CNTN6: variants seen among roughly 807,000 people sequenced by gnomAD.
CNTN6 encodes the protein contactin-6.
A neutral mutation model predicts 122.8 loss-of-function variants in CNTN6; 137 were observed. That is an observed-to-expected ratio of 1.12 (90% confidence interval 0.97 to 1.29). CNTN6 has a LOEUF of 1.29. Ranked by LOEUF, CNTN6 falls within the 50% of genes most tolerant of loss-of-function variation. CNTN6 has a pLI of 0.00. For missense variants in CNTN6, 1,634 were observed against 1,223.4 expected (o/e 1.34, Z -5.01); for synonymous variants, 570 against 426.0 (o/e 1.34, Z -4.16).
In CNTN6 at chr3:1,237,170, T is replaced by C. The variant is rs571862490; in HGVS notation, c.358+9177T>C. ...ATACAGAAAATTAAAGGAAAATTCT[T>C]CAGTGAAATAGATAGTATAAATAAA... On this transcript the variant is annotated intron_variant, in intron 4 of 22. Transcript: ENST00000446702. Among the ~76,000 whole-genome samples, 9 of 152,062 alleles carry C rather than the reference T, an allele frequency of 5.9e-5. No individual in the cohort carries two copies. The South Asian group carries it at 1.9e-3, about 32-fold the overall frequency.
chr3:1,270,361 C>T (rs1332827050), intron 4 of CNTN6, among the ~76,000 whole-genome samples: 2 of 152,160 alleles, frequency 1.3e-5, no homozygotes, highest in Non-Finnish European at 2.9e-5. Context: ...AGAATAACCT[C>T]ACTATAATGT....
intron 11 of CNTN6, among the ~76,000 whole-genome samples, chr3:1,351,913 GA>G (rs1705704267): frequency 6.6e-6 from 1 of 151,792 alleles, no homozygotes; most frequent in Admixed American, 6.6e-5. Context: ...AAAAGACACA[GA>G]CTAATTGTGA....
chr3:1,215,521 T>G (rs907587352), intron 2 of CNTN6, among the ~76,000 whole-genome samples: 1 of 152,228 alleles, frequency 6.6e-6, no homozygotes, highest in Non-Finnish European at 1.5e-5. Flanking sequence ...CAAATTTATC[T>G]GGTTCTATTG....
intron 1 of CNTN6, among the ~76,000 whole-genome samples, chr3:1,139,766 A>G (rs1233095417): frequency 6.6e-6 from 1 of 152,164 alleles, no homozygotes; most frequent in Non-Finnish European, 1.5e-5. Flanking sequence ...ACTTACAGAA[A>G]TAGAAAGCGA....
chr3:1,146,976 A>G (rs1359098113), intron 1 of CNTN6, among the ~76,000 whole-genome samples: 13 of 152,132 alleles, frequency 8.5e-5, no homozygotes, highest in Non-Finnish European at 1.5e-5. Flanking sequence ...CATTTAACTT[A>G]AATTTTATTT....
chr3:1,149,849 A>G (rs1204828124), intron 2 of CNTN6, among the ~76,000 whole-genome samples: 3 of 152,200 alleles, frequency 2.0e-5, no homozygotes, highest in African/African-American at 7.2e-5. Flanking sequence ...GAATTAGCAT[A>G]GGATCTCTAA....
intron 1 of CNTN6, among the ~76,000 whole-genome samples, chr3:1,143,171 A>G (rs1332971756): frequency 2.0e-5 from 3 of 151,884 alleles, no homozygotes; most frequent in Admixed American, 2.0e-4. Flanking sequence ...TTTTGCTACC[A>G]AGCTTTCATG....
At chr3:1,371,633 A>T (rs1437329914) in intron 12 of CNTN6, among the ~76,000 whole-genome samples, 1 of 152,148 alleles carries the variant, frequency 6.6e-6, no homozygotes, top group African/African-American at 2.4e-5. Flanking sequence ...ATTTTGGTCA[A>T]TGAAATGCTA....
At chr3:1,247,069 A>T (rs1291133138) in intron 4 of CNTN6, among the ~76,000 whole-genome samples, 2 of 152,176 alleles carry the variant, frequency 1.3e-5, no homozygotes, top group African/African-American at 2.4e-5. Context: ...TTTTGTAAAA[A>T]GTTTAAGAAC....
chr3:1,400,617 T>A (rs1695564000), intron 20 of CNTN6, among the ~76,000 whole-genome samples: 1 of 152,158 alleles, frequency 6.6e-6, no homozygotes. Flanking sequence ...TTAAACGGCA[T>A]GCATCTTTCA....
At chr3:1,356,856 T>A (rs969611887) in intron 12 of CNTN6, among the ~76,000 whole-genome samples, 11 of 151,810 alleles carry the variant, frequency 7.2e-5, no homozygotes, top group African/African-American at 2.7e-4. Context: ...GATGAAAAAA[T>A]TTCCTGTTCC....
intron 2 of CNTN6, chr3:1,173,065 C>A: frequency 2.7e-6 from 1 of 375,396 alleles, no homozygotes; most frequent in Non-Finnish European, 5.3e-6. Context: ...TGACTCAGCG[C>A]CATTGCCCAT....
chr3:1,326,444 T>A (rs1701554349), intron 9 of CNTN6, among the ~76,000 whole-genome samples: 2 of 151,818 alleles, frequency 1.3e-5, no homozygotes, highest in South Asian at 4.1e-4. Flanking sequence ...AATTAGCATT[T>A]TAAACTTTTA....
chr3:1,386,498 C>T (rs2126198084), intron 20 of CNTN6, among the ~76,000 whole-genome samples: 1 of 152,248 alleles, frequency 6.6e-6, no homozygotes, highest in East Asian at 1.9e-4. Context: ...GTGATTGTTG[C>T]TGCCTTTATT....
chr3:1,111,429 G>T (rs754567864), intron 1 of CNTN6, among the ~76,000 whole-genome samples: 1 of 152,146 alleles, frequency 6.6e-6, no homozygotes, highest in African/African-American at 2.4e-5. Flanking sequence ...AAAGTAAAAT[G>T]AGATTCAGAG....
chr3:1,346,953 A>G (rs879878653), intron 11 of CNTN6, among the ~76,000 whole-genome samples: 2 of 152,186 alleles, frequency 1.3e-5, no homozygotes, highest in Admixed American at 1.3e-4. Context: ...TTTTCTGTGT[A>G]GGACTACCTA....
intron 1 of CNTN6, among the ~76,000 whole-genome samples, chr3:1,116,684 C>T (rs1483666705): frequency 6.8e-6 from 1 of 147,674 alleles, no homozygotes; most frequent in Non-Finnish European, 1.5e-5. Context: ...ATGGAGAATG[C>T]CAAGTCATCA....
At position 1,365,157 on chromosome 3, in the gene CNTN6, C is replaced by A. The variant is rs559054332; in HGVS notation, c.1493-7142C>A. Among the ~76,000 whole-genome samples the A allele has an allele frequency of 6.0e-4, 91 of 152,110 alleles. 2 individuals are homozygous for A. Among genetic ancestry groups the A allele is most frequent in the Admixed American group, 5.9e-3 (90 of 15,270 alleles). ...GTATAAGAAACTCTCATGTATACAT[C>A]ACTCAGAGTCAATAGAAGGCAACTC... is the stretch of plus-strand genomic sequence containing the variant. On this transcript the variant is annotated intron_variant, in intron 12 of 22. Transcript: ENST00000446702.
intron 2 of CNTN6, among the ~76,000 whole-genome samples, chr3:1,196,879 A>G (rs1243538530): frequency 5.3e-5 from 8 of 152,182 alleles, no homozygotes; most frequent in Admixed American, 5.2e-4. Flanking sequence ...TCCACCTATA[A>G]AACTTTCTGC....
Sources: gnomAD v4.1 joint callset for allele counts (sites outside exome capture counted in the v4.1 genomes callset) on GRCh38, gnomAD v4.1.1 for gene constraint, MANE v1.5 for transcripts, NCBI Gene and HGNC (gene_info 2026-07-23, HGNC 2026-07-21) for gene names.